The following PTPRM variants were observed in gnomAD, a reference collection of about 807,000 sequenced individuals.
PTPRM encodes the protein receptor-type tyrosine-protein phosphatase mu.
A neutral mutation model predicts 186.7 loss-of-function variants in PTPRM; 47 were observed. That is an observed-to-expected ratio of 0.25 (90% CI 0.20 to 0.32). The LOEUF (loss-of-function observed/expected upper bound fraction) is 0.32, where lower values mean the gene tolerates loss of function less well. PTPRM is among the 10% of genes least tolerant of loss of function. PTPRM has a pLI of 1.00. For missense variants in PTPRM, 1,494 were observed against 1,865.0 expected (o/e 0.80, Z 3.66); for synonymous variants, 668 against 674.9 (o/e 0.99, Z 0.16).
rs528965683 is a variant in PTPRM, at chr18:8,364,355, A to G, written c.3055-6535A>G. ...CTGCCGCATGAGAAGACTGAGGCTC[A>G]GGGGGTGTAAGTCACTTGCTGCAAC... On this transcript the variant is annotated intron_variant, in intron 23 of 32. Coordinates refer to ENST00000580170, the MANE Select transcript of PTPRM (RefSeq NM_001105244.2). Among the ~76,000 whole-genome samples the G allele has an allele frequency of 4.6e-5, 7 of 152,306 alleles. No individual in the cohort carries two copies. In the South Asian group the frequency reaches 1.4e-3, roughly 32 times the overall value.
intron 22 of PTPRM, among the ~76,000 whole-genome samples, chr18:8,333,371 C>T (rs2095421908): frequency 6.6e-6 from 1 of 152,178 alleles, no homozygotes; most frequent in African/African-American, 2.4e-5. Flanking sequence ...ACTTCTGTGA[C>T]ACATGAGGCA....
chr18:8,260,046 A>AG lies in PTPRM; in HGVS notation c.2754+6633dup, dbSNP rs202009476. Among the ~76,000 whole-genome samples, 441 of 152,326 alleles carry AG rather than the reference A, an allele frequency of 2.9e-3. 8 individuals carry two copies. In the South Asian group the frequency reaches 0.044, roughly 15 times the overall value. On this transcript the variant is annotated intron_variant, in intron 19 of 32. Coordinates refer to ENST00000580170, the MANE Select transcript of PTPRM (RefSeq NM_001105244.2). ...ATACCTGGGGCTCGGTCATTTGTAA[A>AG]GAAAAAAGGTTCTGCAAGCTGGGAA...
At chr18:8,212,448 T>TAC (rs1386580166) in intron 14 of PTPRM, among the ~76,000 whole-genome samples, 3 of 152,106 alleles carry the variant, frequency 2.0e-5, no homozygotes, top group Middle Eastern at 3.4e-3. Flanking sequence ...TGTGTGTGTA[T>TAC]ACACACACAC....
intron 2 of PTPRM, among the ~76,000 whole-genome samples, chr18:7,801,891 G>A (rs2043989842): frequency 6.6e-6 from 1 of 152,160 alleles, no homozygotes; most frequent in South Asian, 2.1e-4. Context: ...TAGCCACTAG[G>A]TGCATATGAC....
At chr18:7,700,639 C>G (rs2039939675) in intron 1 of PTPRM, among the ~76,000 whole-genome samples, 1 of 152,124 alleles carries the variant, frequency 6.6e-6, no homozygotes. Context: ...CAAAATTATT[C>G]TTAAGAATGC....
intron 13 of PTPRM, among the ~76,000 whole-genome samples, chr18:8,139,532 C>T (rs1341221442): frequency 6.6e-6 from 1 of 152,196 alleles, no homozygotes; most frequent in East Asian, 1.9e-4. Flanking sequence ...AGAATCCTCC[C>T]AAGGCTTCTC....
chr18:8,246,105 C>T (rs994754334), intron 15 of PTPRM, among the ~76,000 whole-genome samples: 2 of 152,142 alleles, frequency 1.3e-5, no homozygotes, highest in Admixed American at 6.5e-5. Context: ...CTGATAGGAG[C>T]GACCCTAGAG....
At chr18:7,946,573 A>G (rs756364389) in intron 5 of PTPRM, among the ~76,000 whole-genome samples, 36 of 152,156 alleles carry the variant, frequency 2.4e-4, no homozygotes, top group Non-Finnish European at 4.4e-4. Flanking sequence ...CAGAGACTGA[A>G]TATCTATGGA....
At chr18:8,155,073 G>A (rs2093091835) in intron 14 of PTPRM, 1 of 152,020 alleles carries the variant, frequency 6.6e-6, no homozygotes, top group Non-Finnish European at 1.5e-5. Flanking sequence ...GAACCACGGG[G>A]CAATGTACTC....
intron 22 of PTPRM, among the ~76,000 whole-genome samples, 173 bp downstream of exon 22, chr18:8,319,387 T>C (rs1003237243): frequency 3.9e-5 from 6 of 152,214 alleles, no homozygotes; most frequent in African/African-American, 1.4e-4. Flanking sequence ...AATCATTTAG[T>C]TAGAACTTCA....
chr18:8,050,355 T>C (rs1247432535), intron 7 of PTPRM, among the ~76,000 whole-genome samples: 1 of 152,202 alleles, frequency 6.6e-6, no homozygotes, highest in Non-Finnish European at 1.5e-5. Flanking sequence ...CAGGAAGGCA[T>C]TCTGGCAGTG....
At chr18:7,980,531 A>G (rs1483185459) in intron 7 of PTPRM, among the ~76,000 whole-genome samples, 4 of 151,812 alleles carry the variant, frequency 2.6e-5, no homozygotes, top group Non-Finnish European at 2.9e-5. Flanking sequence ...CTACAGGCAC[A>G]TGCCACCACG....
chr18:8,145,403 A>T (rs897772316), intron 14 of PTPRM, among the ~76,000 whole-genome samples: 5 of 152,144 alleles, frequency 3.3e-5, no homozygotes, highest in African/African-American at 1.2e-4. Flanking sequence ...TACACGTGCC[A>T]TGGTGGTTTG....
intron 7 of PTPRM, among the ~76,000 whole-genome samples, chr18:8,042,327 A>G (rs1002278332): frequency 2.0e-5 from 3 of 152,218 alleles, no homozygotes; most frequent in African/African-American, 7.2e-5. Flanking sequence ...AAACGTATTT[A>G]TCTTCTTTTA....
rs115906407 is a variant in PTPRM at position 7,816,697 on chromosome 18, C to A, written c.196+42426C>A. 1.5e-3 allele frequency among the ~76,000 whole-genome samples: 227 copies of A among 152,230 alleles called. 1 individual carries two copies. Among genetic ancestry groups the A allele is most frequent in the African/African-American group, 5.4e-3 (223 of 41,540 alleles). ...ATATCATGTGTTTGCTTCCTTAACA[C>A]TTTTATAGCTCACCCTTTCATGTTT... On this transcript the variant is annotated intron_variant, in intron 2 of 32. Coordinates refer to ENST00000580170, the MANE Select transcript of PTPRM (RefSeq NM_001105244.2).
At chr18:8,319,276 T>C (rs1444973761) in intron 22 of PTPRM, 62 bp downstream of exon 22, 1 of 1,252,964 alleles carries the variant, frequency 8.0e-7, no homozygotes, top group Non-Finnish European at 1.1e-6. Context: ...TATCATTTTG[T>C]ACCCACTTCA....
intron 2 of PTPRM, among the ~76,000 whole-genome samples, chr18:7,862,117 T>C (rs1012476478): frequency 6.6e-6 from 1 of 152,206 alleles, no homozygotes; most frequent in Non-Finnish European, 1.5e-5. Context: ...CAAAATGATA[T>C]GCATAAATGC....
At chr18:7,834,977 G>A (rs2045960086) in intron 2 of PTPRM, among the ~76,000 whole-genome samples, 3 of 119,552 alleles carry the variant, frequency 2.5e-5, no homozygotes, top group South Asian at 5.6e-4. Flanking sequence ...CATGTTTGAT[G>A]TTATTTATTT....
chr18:8,337,146 T>C (rs1329901883), intron 22 of PTPRM, among the ~76,000 whole-genome samples: 3 of 152,176 alleles, frequency 2.0e-5, no homozygotes, highest in Non-Finnish European at 1.5e-5. Context: ...AAACTACTCA[T>C]ATATGCCTTA....
Sources: allele counts gnomAD v4.1 joint callset (sites outside exome capture counted in the v4.1 genomes callset), GRCh38; gene constraint gnomAD v4.1.1; transcripts MANE v1.5; gene names NCBI Gene and HGNC (gene_info 2026-07-23, HGNC 2026-07-21).